Variants in FBN3 observed in about 807,000 individuals in gnomAD.
The protein encoded by FBN3 is fibrillin-3.
In FBN3, 234 loss-of-function variants were observed where a neutral mutation model predicts 330.1. That is an observed-to-expected ratio of 0.71 (90% CI 0.64 to 0.79). The LOEUF (loss-of-function observed/expected upper bound fraction) is 0.79. Among genes scored for constraint, FBN3 ranks in the 30% least tolerant of loss-of-function variants. The pLI, the probability that FBN3 is intolerant of heterozygous loss-of-function variation, is 0.00. For missense variants in FBN3, 3,606 were observed against 3,886.9 expected (o/e 0.93, Z 1.92); for synonymous variants, 1,458 against 1,517.3 (o/e 0.96, Z 0.91).
Position 8,110,917 on chromosome 19 carries a change from T to A in FBN3, c.4261A>T (p.Asn1421Tyr). 6.2e-7 allele frequency: 1 copy of A among 1,614,202 alleles called. No homozygotes were observed. Among genetic ancestry groups the A allele is most frequent in the East Asian group, 2.2e-5 (1 of 44,880 alleles). Residue 1421 changes from asparagine (N) to tyrosine (Y), a missense_variant, in exon 34 of 64, where the codon AAC becomes TAC. Physicochemically the swap from Asn to Tyr is moderately radical, Grantham distance 143. Coordinates refer to ENST00000600128, the MANE Select transcript of FBN3 (RefSeq NM_032447.5). ...ATGCAGCGGAACATTCCAGGCAGGT[T>A]CTCACAGCTCCCAAATGCACAGAGG... is the stretch of plus-strand genomic sequence containing the variant. ...GNLCAFGSCE[N>Y]LPGMFRCICN...
At chr19:8,067,344 T>C (rs2145328438) in intron 63 of FBN3, among the ~76,000 whole-genome samples, 1 of 152,280 alleles carries the variant, frequency 6.6e-6, no homozygotes, top group Non-Finnish European at 1.5e-5. Context: ...CAGGCTGGTC[T>C]CAAACTCCTG....
chr19:8,073,765 G>A (rs948760020), intron 61 of FBN3, among the ~76,000 whole-genome samples: 4 of 152,282 alleles, frequency 2.6e-5, no homozygotes, highest in Middle Eastern at 3.4e-3. Flanking sequence ...CTGCAGCCTT[G>A]ACGTCCTGGG....
At chr19:8,081,914 G>C (rs2081795571) in intron 57 of FBN3, among the ~76,000 whole-genome samples, 1 of 152,044 alleles carries the variant, frequency 6.6e-6, no homozygotes, top group Admixed American at 6.6e-5. Flanking sequence ...AAACAGGGTG[G>C]GGGTGGGAGA....
intron 55 of FBN3, among the ~76,000 whole-genome samples, 188 bp from the exon 56 acceptor site, chr19:8,085,757 G>A (rs1217612014): frequency 1.3e-5 from 2 of 152,082 alleles, no homozygotes; most frequent in African/African-American, 2.4e-5. Context: ...AGAAGTGGGA[G>A]ATCTGGGGAA....
chr19:8,139,949 G>A (rs746638966), intron 8 of FBN3, among the ~76,000 whole-genome samples: 5 of 151,766 alleles, frequency 3.3e-5, no homozygotes, highest in Admixed American at 6.6e-5. Flanking sequence ...CTTGCACCTG[G>A]GGGCCCCCCA....
rs113711998 is a variant in FBN3, at chr19:8,124,355, G to C, written c.2732-347C>G. The stretch of plus-strand genomic sequence containing the variant: ...ACCTCCCAGGTTCAAGCAATTCTCC[G>C]GCCTCAGCCTCCCGAGGAGCTGGGA... On this transcript the variant is annotated intron_variant, in intron 22 of 63. Coordinates refer to ENST00000600128, the MANE Select transcript of FBN3 (RefSeq NM_032447.5). Among the ~76,000 whole-genome samples the C allele has an allele frequency of 3.4e-3, 488 of 143,782 alleles. 2 individuals carry two copies. Among genetic ancestry groups the C allele is most frequent in the African/African-American group, 0.012 (460 of 38,702 alleles). 94.3% of individuals were successfully genotyped at this position (143,782 alleles called of 152,430 possible). A position where few individuals can be genotyped will look rare whatever the true frequency, so the allele number is the denominator to read the frequency against.
chr19:8,146,051 G>T, intron 4 of FBN3, 76 bp downstream of exon 4: 1 of 1,509,114 alleles, frequency 6.6e-7, no homozygotes. Context: ...TTCAACAAAA[G>T]CAGCCCAGGC....
intron 41 of FBN3, among the ~76,000 whole-genome samples, chr19:8,099,858 A>T (rs1378477015): frequency 6.6e-6 from 1 of 151,704 alleles, no homozygotes; most frequent in Non-Finnish European, 1.5e-5. Flanking sequence ...TAAAATACAA[A>T]AATTAGCCAG....
intron 18 of FBN3, among the ~76,000 whole-genome samples, 161 bp downstream of exon 18, chr19:8,128,867 A>G (rs1011860854): frequency 6.6e-6 from 1 of 151,698 alleles, no homozygotes; most frequent in Non-Finnish European, 1.5e-5. Flanking sequence ...GAGCGTGTGC[A>G]TATATGTGTG....
chr19:8,129,616 G>GGGAGCATTTTAGGATGTCGAGCA lies in FBN3; in HGVS notation c.2045-252_2045-251insTGCTCGACATCCTAAAATGCTCC. Among the ~76,000 whole-genome samples the GGGAGCATTTTAGGATGTCGAGCA allele has an allele frequency of 1.3e-5, 2 of 152,082 alleles. No individual in the cohort carries two copies. The highest frequency in any genetic ancestry group is 4.1e-4 in the South Asian group (2 of 4,830). ...TTTTAGGATGTCGAGCAGCTCCCGT[G>GGGAGCATTTTAGGATGTCGAGCA]GCCTCCACCCATGAGATGTCAGTAG... On this transcript the variant is annotated intron_variant, in intron 16 of 63. Coordinates refer to ENST00000600128, the MANE Select transcript of FBN3 (RefSeq NM_032447.5). This position sits in a 1 kb window ranked among gnomAD's most constrained non-coding sequence, Gnocchi z 4.5.
chr19:8,093,510 C>A (rs530235797), intron 47 of FBN3, among the ~76,000 whole-genome samples: 73 of 152,258 alleles, frequency 4.8e-4, no homozygotes, highest in African/African-American at 1.7e-3. Flanking sequence ...GTAGTCCCAG[C>A]TATTTGGGAG....
rs757604392 is a variant in FBN3 at position 8,106,171 on chromosome 19, C to G, written c.4750G>C (p.Gly1584Arg). The G allele has an allele frequency of 6.2e-7, 1 of 1,614,052 alleles. No individual in the cohort carries two copies. The highest frequency in any genetic ancestry group is 2.2e-5 in the East Asian group (1 of 44,896). Reference sequence around the variant, plus strand: ...GGTGGGCACTCACACTGGAAACTGCCAAACGTGTTGACGCAGTCACCCCCC... The same window carrying G: ...GGTGGGCACTCACACTGGAAACTGCGAAACGTGTTGACGCAGTCACCCCCC... ...CQGGDCVNTF[G>R]SFQCECPPGY... is the part of the protein sequence containing the mutation. The change falls in exon 38 of 64, where the codon GGC becomes CGC. Residue 1584 changes from glycine (G) to arginine (R), a missense_variant. By Grantham distance (125) the Gly-to-Arg change is moderately radical. Transcript: ENST00000600128.
At chr19:8,086,040 GA>G (rs2081941368) in intron 55 of FBN3, among the ~76,000 whole-genome samples, 159 bp downstream of exon 55, 1 of 137,436 alleles carries the variant, frequency 7.3e-6, no homozygotes, top group African/African-American at 2.8e-5. Flanking sequence ...CAGTGGGAGG[GA>G]CAGGCAGTGG....
rs140844932 is a variant in FBN3, at chr19:8,127,048, G to GTTT, written c.2297-219_2297-217dup. 5.5e-3 allele frequency among the ~76,000 whole-genome samples: 631 copies of GTTT among 113,832 alleles called. 7 individuals are homozygous for GTTT. The highest frequency in any genetic ancestry group is 0.019 in the African/African-American group (596 of 31,892). 74.7% of individuals were successfully genotyped at this position (113,832 alleles called of 152,430 possible). A position where few individuals can be genotyped will look rare whatever the true frequency, so the allele number is the denominator to read the frequency against. Reference sequence around the variant, plus strand: ...TGTAAGAGACAGGAAATGCCAAACTGTTTTTTTTTTGTTTTTTTTTTTTTT... The same window carrying GTTT: ...TGTAAGAGACAGGAAATGCCAAACTGTTTTTTTTTTTTTGTTTTTTTTTTTTTT... On this transcript the variant is annotated intron_variant, in intron 18 of 63. Coordinates refer to ENST00000600128, the MANE Select transcript of FBN3 (RefSeq NM_032447.5).
intron 55 of FBN3, 79 bp downstream of exon 55, chr19:8,086,121 A>ACAGGCAGTGGGGGGGGG: frequency 2.5e-6 from 2 of 812,300 alleles, no homozygotes; most frequent in South Asian, 3.7e-5. Flanking sequence ...AGTGGGGGGA[A>ACAGGCAGTGGGGGGGGG]CAGGCAGTGG....
At chr19:8,094,323 G>T in intron 47 of FBN3, 123 bp downstream of exon 47, 1 of 1,049,464 alleles carries the variant, frequency 9.5e-7, no homozygotes, top group Non-Finnish European at 1.4e-6. Context: ...ATGAAGCTGT[G>T]TTTGACGCTG....
rs202055933 is a variant in FBN3 at position 8,109,270 on chromosome 19, C to T, written c.4575G>A (p.Arg1525=). Residue 1525 remains arginine (R), a synonymous_variant, in exon 36 of 64, where the codon CGG becomes CGA. Transcript: ENST00000600128. This position sits in a 1 kb window ranked among gnomAD's most constrained non-coding sequence, Gnocchi z 5.2. ...ACAGCTCACAGGGATTGCCCCAAGC[C>T]CGGCCCAGGGAGCAACAGCAGGAAG... ...TRASCCCSLG[R]AWGNPCELCP... is the part of the protein sequence containing the mutation. 1 of 1,614,160 alleles carries T rather than the reference C, an allele frequency of 6.2e-7. No homozygotes were observed. Among genetic ancestry groups the T allele is most frequent in the African/African-American group, 1.3e-5 (1 of 75,028 alleles).
intron 25 of FBN3, among the ~76,000 whole-genome samples, chr19:8,120,658 A>T (rs1564204): frequency 7.3e-5 from 11 of 151,652 alleles, no homozygotes; most frequent in African/African-American, 2.7e-4. Flanking sequence ...AAAAAACTTT[A>T]TAGTGACAGG....
At position 8,149,465 on chromosome 19, in the gene FBN3, G is replaced by C. The variant is rs1348000751; in HGVS notation, c.-34C>G. 3 of 152,068 alleles carry C rather than the reference G, an allele frequency of 2.0e-5. No homozygotes were observed. Among genetic ancestry groups the C allele is most frequent in the African/African-American group, 7.2e-5 (3 of 41,434 alleles). 9.4% of individuals were successfully genotyped at this position (152,068 alleles called of 1,614,324 possible). Reference sequence around the variant, plus strand: ...TTCACCTACCTGCGAGGCGGCGCGCGTGGAGGCGGGCACGGCAGGCGGACG... The same window carrying C: ...TTCACCTACCTGCGAGGCGGCGCGCCTGGAGGCGGGCACGGCAGGCGGACG... On this transcript the variant is annotated 5_prime_UTR_variant, in exon 1 of 64. Transcript: ENST00000600128. The surrounding 1 kb of genome is among the most constrained non-coding windows in gnomAD (Gnocchi z 5.5).
Sources: gnomAD v4.1 joint callset for allele counts (sites outside exome capture counted in the v4.1 genomes callset) on GRCh38, gnomAD v4.1.1 for gene constraint, Gnocchi (gnomAD v3.1) non-coding constraint, MANE v1.5 for transcripts, NCBI Gene and HGNC (gene_info 2026-07-23, HGNC 2026-07-21) for gene names.